The following PPP2R2B variants were observed in gnomAD, a reference collection of about 807,000 sequenced individuals.
PPP2R2B encodes serine/threonine-protein phosphatase 2A 55 kDa regulatory subunit B beta isoform.
A neutral mutation model predicts 46.0 loss-of-function variants in PPP2R2B; 5 were observed. The ratio of observed to expected loss-of-function variants is 0.11; its 90% CI spans 0.06 to 0.23. The LOEUF (loss-of-function observed/expected upper bound fraction) is 0.23, where lower values mean the gene tolerates loss of function less well. Ranked by LOEUF, PPP2R2B falls within the 10% of genes least tolerant of loss-of-function variation. The pLI, the probability that PPP2R2B is intolerant of heterozygous loss-of-function variation, is 1.00. For synonymous variants in PPP2R2B, 215 were observed against 206.7 expected, an observed-to-expected ratio of 1.04 and a Z score of -0.34; for missense variants, 367 against 575.0, an observed-to-expected ratio of 0.64 and a Z score of 3.70.
At chr5:146,834,704 G>A (rs1008388616) in intron 2 of PPP2R2B, among the ~76,000 whole-genome samples, 2 of 147,860 alleles carry the variant, frequency 1.4e-5, no homozygotes, top group Non-Finnish European at 3.0e-5. Flanking sequence ...TAAATTGTGT[G>A]TGTTGAGACT....
intron 6 of PPP2R2B, among the ~76,000 whole-genome samples, chr5:146,642,516 T>C (rs2151084148): frequency 6.6e-6 from 1 of 152,362 alleles, no homozygotes; most frequent in East Asian, 1.9e-4. Flanking sequence ...TGAATTTTTA[T>C]ATATCTCATT....
At chr5:146,691,079 A>G (rs768445597) in intron 5 of PPP2R2B, 49 bp downstream of exon 5, 87 of 1,545,770 alleles carry the variant, frequency 5.6e-5, no homozygotes, top group Non-Finnish European at 7.5e-5. Context: ...GGCCAACCTT[A>G]GGAGACCTGC....
At chr5:146,757,688 T>A (rs1265430012) in intron 2 of PPP2R2B, among the ~76,000 whole-genome samples, 3 of 152,128 alleles carry the variant, frequency 2.0e-5, no homozygotes, top group Non-Finnish European at 4.4e-5. Context: ...ACATGCGATA[T>A]GGGGGAAGGA....
chr5:146,910,899 C>T (rs1006302774), intron 1 of PPP2R2B, among the ~76,000 whole-genome samples: 4 of 152,140 alleles, frequency 2.6e-5, no homozygotes, highest in Non-Finnish European at 4.4e-5. Flanking sequence ...TCCCACTGGT[C>T]TTCCTTTGGG....
intron 1 of PPP2R2B, among the ~76,000 whole-genome samples, chr5:146,915,447 TAC>T (rs34632167): frequency 0.012 from 1,817 of 147,002 alleles, 30 homozygotes; most frequent in East Asian, 0.067. Context: ...TCTACCTATG[TAC>T]ACACACACAC....
chr5:146,921,901 G>A (rs1299754500), intron 1 of PPP2R2B, among the ~76,000 whole-genome samples: 1 of 152,136 alleles, frequency 6.6e-6, no homozygotes, highest in Non-Finnish European at 1.5e-5. Flanking sequence ...CAAGTCACTT[G>A]GATGAGTGCT....
chr5:146,597,306 G>T (rs1175069702), intron 8 of PPP2R2B, among the ~76,000 whole-genome samples: 4 of 152,072 alleles, frequency 2.6e-5, no homozygotes, highest in Admixed American at 6.5e-5. Context: ...GTCATATTAT[G>T]AACCTTGTCA....
chr5:146,829,722 A>G (rs1582209703), intron 2 of PPP2R2B, among the ~76,000 whole-genome samples: 1 of 152,346 alleles, frequency 6.6e-6, no homozygotes, highest in East Asian at 1.9e-4. Context: ...AGGATGTCTC[A>G]AACTATCCAA....
intron 2 of PPP2R2B, among the ~76,000 whole-genome samples, chr5:147,063,428 T>C (rs766701927): frequency 1.8e-4 from 28 of 152,354 alleles, no homozygotes; most frequent in Non-Finnish European, 3.7e-4. Flanking sequence ...AGTTGCTGTA[T>C]TTGGGCTATG....
At chr5:146,746,010 T>C (rs1254332992) in intron 2 of PPP2R2B, among the ~76,000 whole-genome samples, 1 of 152,126 alleles carries the variant, frequency 6.6e-6, no homozygotes, top group Non-Finnish European at 1.5e-5. Flanking sequence ...AATTGTTATC[T>C]AGAGAACTCA....
At chr5:146,757,174 G>C (rs971281773) in intron 2 of PPP2R2B, among the ~76,000 whole-genome samples, 1 of 152,166 alleles carries the variant, frequency 6.6e-6, no homozygotes, top group African/African-American at 2.4e-5. Flanking sequence ...TGGGGGCTGA[G>C]TGGAGAGGGA....
chr5:146,598,179 C>A (rs1581677652), intron 8 of PPP2R2B, among the ~76,000 whole-genome samples: 1 of 152,210 alleles, frequency 6.6e-6, no homozygotes, highest in East Asian at 1.9e-4. Context: ...ACTGCTGTTC[C>A]TCTGTCATTC....
At chr5:146,598,291 G>GTT (rs950693126) in intron 8 of PPP2R2B, among the ~76,000 whole-genome samples, 6 of 152,184 alleles carry the variant, frequency 3.9e-5, no homozygotes, top group African/African-American at 1.4e-4. Flanking sequence ...CCTTAAGACA[G>GTT]TTTCTCTATT....
In PPP2R2B at chr5:146,680,548, T is replaced by G. The variant is rs563810448; in HGVS notation, c.447+10580A>C. 2.6e-5 allele frequency among the ~76,000 whole-genome samples: 4 copies of G among 150,998 alleles called. No individual in the cohort carries two copies. In the South Asian group the frequency reaches 6.3e-4, roughly 24 times the overall value. ...TACCCTAAAACTTAAAGTATAATAATAATAATAAAAAAAACCACAGCGTTG... is the reference window on the plus strand; with the variant it reads ...TACCCTAAAACTTAAAGTATAATAAGAATAATAAAAAAAACCACAGCGTTG... On this transcript the variant is annotated intron_variant, in intron 5 of 9. Transcript: ENST00000394411.
At position 146,799,915 on chromosome 5, in the gene PPP2R2B, G is replaced by T. The variant is rs141293888; in HGVS notation, c.70+78087C>A. On this transcript the variant is annotated intron_variant, in intron 2 of 9. Transcript: ENST00000394411. ...TTTATACCAGCCCATGTATACTAAC[G>T]GCTGATGTCTCCATGGTACTTCTCA... is the stretch of plus-strand genomic sequence containing the variant. 5.5e-3 allele frequency among the ~76,000 whole-genome samples: 836 copies of T among 152,042 alleles called. 8 individuals carry two copies. The highest frequency in any genetic ancestry group is 0.019 in the African/African-American group (801 of 41,454).
intron 2 of PPP2R2B, among the ~76,000 whole-genome samples, chr5:146,837,718 C>T (rs957150758): frequency 3.9e-5 from 6 of 152,176 alleles, no homozygotes; most frequent in African/African-American, 1.2e-4. Context: ...ACTAAGTCTT[C>T]TAAATCTGGT....
intron 1 of PPP2R2B, among the ~76,000 whole-genome samples, chr5:147,036,795 A>G (rs963478161): frequency 9.9e-5 from 15 of 152,212 alleles, no homozygotes; most frequent in Admixed American, 9.2e-4. Context: ...CTTAAAATCC[A>G]TTGACCCATA....
At chr5:147,076,935 T>G (rs954306387) in intron 2 of PPP2R2B, among the ~76,000 whole-genome samples, 2 of 151,884 alleles carry the variant, frequency 1.3e-5, no homozygotes, top group African/African-American at 4.8e-5. Context: ...TCCTATAGAA[T>G]AATTTGACAT....
At chr5:147,025,704 A>C (rs961780455) in intron 1 of PPP2R2B, among the ~76,000 whole-genome samples, 1 of 152,122 alleles carries the variant, frequency 6.6e-6, no homozygotes, top group Non-Finnish European at 1.5e-5. Flanking sequence ...GAATATATAA[A>C]GGACTCTCAA....
Sources: gnomAD v4.1 joint callset for allele counts (sites outside exome capture counted in the v4.1 genomes callset) on GRCh38, gnomAD v4.1.1 for gene constraint, MANE v1.5 for transcripts, NCBI Gene and HGNC (gene_info 2026-07-23, HGNC 2026-07-21) for gene names.